PYHIN1: variants seen among roughly 807,000 people sequenced by gnomAD.
PYHIN1 encodes the protein pyrin and HIN domain family member 1.
In PYHIN1, 32 loss-of-function variants were observed where a neutral mutation model predicts 43.7. The ratio of observed to expected loss-of-function variants is 0.73; its 90% CI spans 0.55 to 0.98. The LOEUF is 0.98. Ranked by LOEUF, PYHIN1 falls within the 50% of genes least tolerant of loss-of-function variation. The pLI is 0.00. For synonymous variants in PYHIN1, 205 were observed against 203.1 expected, an observed-to-expected ratio of 1.01 and a Z score of -0.08; for missense variants, 588 against 589.5, an observed-to-expected ratio of 1.00 and a Z score of 0.03.
At chr1:158,951,974 C>G (rs987018447) in intron 7 of PYHIN1, among the ~76,000 whole-genome samples, 14 of 152,270 alleles carry the variant, frequency 9.2e-5, no homozygotes, top group African/African-American at 3.1e-4. Flanking sequence ...GAATTATAAT[C>G]TGGGATGTCG....
At chr1:158,979,441 C>A (rs1198614114), downstream of PYHIN1, among the ~76,000 whole-genome samples, 1 of 152,092 alleles carries the variant, frequency 6.6e-6, no homozygotes, top group Non-Finnish European at 1.5e-5. Flanking sequence ...AGCATAATGC[C>A]CTCAAGTTTT....
chr1:158,976,658 C>A (rs762842219), intron 8 of PYHIN1, 43 bp from the exon 9 acceptor site: 2 of 1,509,924 alleles, frequency 1.3e-6, no homozygotes, highest in East Asian at 4.7e-5. Context: ...TGTATGACTC[C>A]CTGCATCTCA....
intron 7 of PYHIN1, among the ~76,000 whole-genome samples, chr1:158,961,822 C>T (rs1571767960): frequency 6.6e-6 from 1 of 152,276 alleles, no homozygotes; most frequent in African/African-American, 2.4e-5. Flanking sequence ...TCCAAGTATC[C>T]TGGAATTAGC....
At chr1:158,986,622 G>A in the PYHIN1 span, among the ~76,000 whole-genome samples, 63,695 of 152,056 alleles carry the variant, frequency 0.42, 14,313 homozygotes, top group East Asian at 0.56. Context: ...AACTCTGAGA[G>A]AGGCCAGCAG....
chr1:158,939,038 T>A (rs968789958), intron 3 of PYHIN1, 42 bp from the exon 4 acceptor site: 37 of 1,450,482 alleles, frequency 2.6e-5, no homozygotes, highest in Non-Finnish European at 3.4e-5. Context: ...CTGCTTCATT[T>A]GACACTGAAA....
rs1378338047 is a variant in PYHIN1 at position 158,931,743 on chromosome 1, G to A, written c.-54G>A. 6.6e-6 allele frequency: 1 copy of A among 152,258 alleles called. No individual in the cohort carries two copies. Among genetic ancestry groups the A allele is most frequent in the South Asian group, 2.1e-4 (1 of 4,830 alleles). The allele number at this position is 152,258 out of a possible 1,614,324, so 9.4% of individuals were successfully genotyped here. A position where few individuals can be genotyped will look rare whatever the true frequency, so the allele number is the denominator to read the frequency against. ...TTTCCTACATTTCTGAAGATCTCAA[G>A]ATCTGGACTACTGTTGAAGAAATTC... On this transcript the variant is annotated 5_prime_UTR_variant, in exon 1 of 9. Coordinates refer to ENST00000368140, the MANE Select transcript of PYHIN1 (RefSeq NM_152501.5).
At chr1:158,987,462 T>A in the PYHIN1 span, among the ~76,000 whole-genome samples, 2 of 152,212 alleles carry the variant, frequency 1.3e-5, no homozygotes, top group African/African-American at 4.8e-5. Flanking sequence ...GAATATATGA[T>A]TTGCAAATAT....
At chr1:158,934,016 T>C (rs1648339188) in intron 1 of PYHIN1, among the ~76,000 whole-genome samples, 1 of 152,180 alleles carries the variant, frequency 6.6e-6, no homozygotes, top group East Asian at 1.9e-4. Flanking sequence ...ATCTTATGTT[T>C]AAATATCACT....
chr1:158,946,560 T>TAGAC, intron 7 of PYHIN1, among the ~76,000 whole-genome samples: 1 of 149,636 alleles, frequency 6.7e-6, no homozygotes, highest in East Asian at 1.9e-4. Context: ...GATAGATAGA[T>TAGAC]AGATAGATAG....
chr1:158,953,176 G>A (rs1356092980), intron 7 of PYHIN1, among the ~76,000 whole-genome samples: 5 of 127,798 alleles, frequency 3.9e-5, no homozygotes, highest in African/African-American at 1.4e-4. Flanking sequence ...GGCTGGGGGA[G>A]GGGCGCCCGC....
intron 8 of PYHIN1, among the ~76,000 whole-genome samples, chr1:158,976,057 G>A (rs763511822): frequency 8.5e-5 from 13 of 152,048 alleles, no homozygotes; most frequent in Non-Finnish European, 1.8e-4. Flanking sequence ...AAATTACCAA[G>A]GATGTCCCTA....
intron 5 of PYHIN1, 27 bp from the exon 6 acceptor site, chr1:158,943,763 A>C: frequency 6.4e-7 from 1 of 1,565,706 alleles, no homozygotes; most frequent in Non-Finnish European, 8.7e-7. Flanking sequence ...ATGTTCTCAC[A>C]AACATGATAT....
intron 1 of PYHIN1, among the ~76,000 whole-genome samples, chr1:158,932,255 T>C (rs1648209391): frequency 1.3e-5 from 2 of 152,150 alleles, no homozygotes; most frequent in African/African-American, 4.8e-5. Context: ...AGTTAAACAT[T>C]GAATCCATAT....
intron 7 of PYHIN1, among the ~76,000 whole-genome samples, chr1:158,952,962 T>G (rs1649654325): frequency 1.3e-5 from 2 of 151,992 alleles, no homozygotes; most frequent in South Asian, 4.2e-4. Flanking sequence ...GGTCAGGGAG[T>G]TCCCTTTCCG....
intron 7 of PYHIN1, among the ~76,000 whole-genome samples, chr1:158,966,409 GAC>G (rs1237647111): frequency 6.6e-6 from 1 of 151,798 alleles, no homozygotes; most frequent in African/African-American, 2.4e-5. Flanking sequence ...AAAAGGCAGA[GAC>G]ACAACAAAAA....
At chr1:158,967,071 A>T (rs556359977) in intron 7 of PYHIN1, among the ~76,000 whole-genome samples, 14 of 152,114 alleles carry the variant, frequency 9.2e-5, no homozygotes, top group Non-Finnish European at 1.8e-4. Flanking sequence ...AACCAACAAC[A>T]TCCAAGCTGA....
chr1:158,950,486 G>A (rs1486111692), intron 7 of PYHIN1, among the ~76,000 whole-genome samples: 4 of 152,108 alleles, frequency 2.6e-5, no homozygotes, highest in South Asian at 2.1e-4. Context: ...GTGTCATGCT[G>A]GAATCCAAAG....
Position 158,942,255 on chromosome 1 carries a change from C to T in PYHIN1, c.858C>T (p.Ala286=). 2 of 1,614,090 alleles carry T rather than the reference C, an allele frequency of 1.2e-6. No homozygotes were observed. The highest frequency in any genetic ancestry group is 1.7e-6 in the Non-Finnish European group (2 of 1,179,990). The change falls in exon 5 of 9, where the codon GCC becomes GCT. Residue 286 remains alanine (A), a synonymous_variant. Coordinates refer to ENST00000368140, the MANE Select transcript of PYHIN1 (RefSeq NM_152501.5). The stretch of plus-strand genomic sequence containing the variant: ...ATAGTCTCCTAGAGGTGAATGAAGC[C>T]TCTTCTGTATCTGAAGCTGGTCCTG... ...KRNSLLEVNE[A]SSVSEAGPDQ...
chr1:158,962,201 G>A (rs1005461199), intron 7 of PYHIN1, among the ~76,000 whole-genome samples: 2 of 152,116 alleles, frequency 1.3e-5, no homozygotes, highest in Non-Finnish European at 2.9e-5. Flanking sequence ...GTGGATTCCC[G>A]ATGCCAGTTC....
Sources: gnomAD v4.1 joint callset for allele counts (sites outside exome capture counted in the v4.1 genomes callset) on GRCh38, gnomAD v4.1.1 for gene constraint, MANE v1.5 for transcripts, NCBI Gene and HGNC (gene_info 2026-07-23, HGNC 2026-07-21) for gene names.